Variants in NCK2 observed in about 807,000 individuals in gnomAD.
The protein encoded by NCK2 is NCK adaptor protein 2.
In NCK2, 16 loss-of-function variants were observed where a neutral mutation model predicts 33.9. The observed-to-expected ratio is 0.47, with a 90% CI of 0.32 to 0.72. NCK2 has a LOEUF of 0.72. NCK2 is among the 30% of genes least tolerant of loss of function. The pLI, the probability that NCK2 is intolerant of heterozygous loss-of-function variation, is 0.03. For missense variants in NCK2, 418 were observed against 537.3 expected, an observed-to-expected ratio of 0.78 and a Z score of 2.19; for synonymous variants, 273 against 239.9, an observed-to-expected ratio of 1.14 and a Z score of -1.27.
At chr2:105,773,866 G>A (rs1690215062) in intron 1 of NCK2, among the ~76,000 whole-genome samples, 1 of 152,058 alleles carries the variant, frequency 6.6e-6, no homozygotes, top group South Asian at 2.1e-4. Flanking sequence ...CAGTGTTTTG[G>A]GTAGTCCAGC....
intron 1 of NCK2, among the ~76,000 whole-genome samples, chr2:105,763,299 T>A (rs2104359735): frequency 6.6e-6 from 1 of 152,274 alleles, no homozygotes; most frequent in South Asian, 2.1e-4. Flanking sequence ...TGTCACTGCG[T>A]CCTCTGATGA....
intron 3 of NCK2, among the ~76,000 whole-genome samples, chr2:105,873,519 C>T (rs1385704946): frequency 6.6e-6 from 1 of 152,208 alleles, no homozygotes; most frequent in Non-Finnish European, 1.5e-5. Flanking sequence ...ACCACCCTCA[C>T]TCCCACACCC....
intron 1 of NCK2, among the ~76,000 whole-genome samples, chr2:105,783,814 C>G: frequency 6.6e-6 from 1 of 152,022 alleles, no homozygotes; most frequent in Non-Finnish European, 1.5e-5. Context: ...GAGGGTTTTG[C>G]AGCTGGAAAC....
At chr2:105,773,935 G>A (rs1008525569) in intron 1 of NCK2, among the ~76,000 whole-genome samples, 1 of 151,714 alleles carries the variant, frequency 6.6e-6, no homozygotes, top group Non-Finnish European at 1.5e-5. Context: ...CTGTTTATAA[G>A]AAAGATGTCA....
In NCK2 at chr2:105,890,729, C is replaced by T. The variant is rs3769490; in HGVS notation, c.949-2253C>T. On this transcript the variant is annotated intron_variant, in intron 4 of 4. Coordinates refer to ENST00000233154, the MANE Select transcript of NCK2 (RefSeq NM_003581.5). ...GCTGGGTGAGCCCAGCTGCCTTGCACAATTTGAGTCTTCTCAGACACTCAT... is the reference window on the plus strand; with the variant it reads ...GCTGGGTGAGCCCAGCTGCCTTGCATAATTTGAGTCTTCTCAGACACTCAT... Among the ~76,000 whole-genome samples the T allele has an allele frequency of 7.4e-4, 112 of 152,364 alleles. No homozygotes were observed. The East Asian group carries it at 0.012, about 16-fold the overall frequency.
intron 1 of NCK2, among the ~76,000 whole-genome samples, chr2:105,751,545 T>C (rs747004722): frequency 3.7e-4 from 57 of 152,154 alleles, no homozygotes; most frequent in Non-Finnish European, 5.9e-5. Context: ...CCCTTCCCCA[T>C]ATACACACAT....
rs78141353 is a variant in NCK2 at position 105,799,680 on chromosome 2, T to C, written c.-200-16750T>C. 6.0e-4 allele frequency among the ~76,000 whole-genome samples: 92 copies of C among 152,318 alleles called. 1 individual carries two copies. In the East Asian group the frequency reaches 0.013, roughly 21 times the overall value. ...AAAGCCTATAAAAAGCTAATTACCA[T>C]GTTTACATAAATGGTACAATAGCAG... On this transcript the variant is annotated intron_variant, in intron 1 of 4. Coordinates refer to ENST00000233154, the MANE Select transcript of NCK2 (RefSeq NM_003581.5).
chr2:105,817,228 C>T (rs1047982956), intron 2 of NCK2, among the ~76,000 whole-genome samples: 1 of 151,216 alleles, frequency 6.6e-6, no homozygotes, highest in African/African-American at 2.4e-5. Context: ...GAAGGATTCT[C>T]AGGAAGGTTT....
chr2:105,759,156 T>A (rs1689683698), intron 1 of NCK2, among the ~76,000 whole-genome samples: 1 of 152,242 alleles, frequency 6.6e-6, no homozygotes, highest in Non-Finnish European at 1.5e-5. Context: ...TCCTGGTTCT[T>A]GGGCCTTCAG....
chr2:105,835,405 A>ATATATATGTG (rs70953537), intron 2 of NCK2, among the ~76,000 whole-genome samples: 1 of 37,982 alleles, frequency 2.6e-5, no homozygotes, highest in Non-Finnish European at 6.8e-5. Context: ...ATATATATAT[A>ATATATATGTG]CGTGTATATA....
At chr2:105,878,979 T>C (rs1678350376) in intron 3 of NCK2, among the ~76,000 whole-genome samples, 1 of 152,222 alleles carries the variant, frequency 6.6e-6, no homozygotes, top group Non-Finnish European at 1.5e-5. Context: ...ATTAGATTAC[T>C]GTATTTTGTT....
chr2:105,768,676 G>T (rs560378872), intron 1 of NCK2, among the ~76,000 whole-genome samples: 2 of 152,076 alleles, frequency 1.3e-5, no homozygotes, highest in South Asian at 2.1e-4. Context: ...AGTTTTTTTT[G>T]AAATTTTCTT....
intron 1 of NCK2, among the ~76,000 whole-genome samples, chr2:105,788,994 T>C (rs1690778442): frequency 6.6e-6 from 1 of 152,144 alleles, no homozygotes; most frequent in Admixed American, 6.6e-5. Flanking sequence ...GGTATGACTG[T>C]GAACGATTTA....
chr2:105,755,499 A>AAC (rs1689574569), intron 1 of NCK2, among the ~76,000 whole-genome samples: 2 of 152,176 alleles, frequency 1.3e-5, no homozygotes, highest in Non-Finnish European at 2.9e-5. Context: ...TCCTTTCATG[A>AAC]GTGCCTCCGG....
chr2:105,848,033 A>G (rs1376581204), intron 2 of NCK2, among the ~76,000 whole-genome samples: 1 of 152,186 alleles, frequency 6.6e-6, no homozygotes, highest in East Asian at 1.9e-4. Context: ...TTTCAATGAC[A>G]TAATCTATTG....
chr2:105,767,460 G>T (rs1217958460), intron 1 of NCK2, among the ~76,000 whole-genome samples: 1 of 152,208 alleles, frequency 6.6e-6, no homozygotes, highest in African/African-American at 2.4e-5. Context: ...AGGAATATCT[G>T]TTACTCTTTG....
intron 1 of NCK2, among the ~76,000 whole-genome samples, chr2:105,811,643 G>A (rs1034012176): frequency 6.6e-6 from 1 of 152,216 alleles, no homozygotes; most frequent in Admixed American, 6.5e-5. Flanking sequence ...AGGATGCCAG[G>A]TGGAGGTCCT....
chr2:105,823,008 A>G (rs925567759), intron 2 of NCK2, among the ~76,000 whole-genome samples: 3 of 151,996 alleles, frequency 2.0e-5, no homozygotes, highest in African/African-American at 7.3e-5. Flanking sequence ...AGAGAACAGC[A>G]TTAAATAAAC....
chr2:105,844,267 C>G (rs79315827), intron 2 of NCK2, among the ~76,000 whole-genome samples: 237 of 152,132 alleles, frequency 1.6e-3, no homozygotes, highest in African/African-American at 5.5e-3. Flanking sequence ...AGTGTGGGAT[C>G]CTGGGTGGGA....
Sources: gnomAD v4.1 joint callset for allele counts (sites outside exome capture counted in the v4.1 genomes callset) on GRCh38, gnomAD v4.1.1 for gene constraint, MANE v1.5 for transcripts, NCBI Gene and HGNC (gene_info 2026-07-23, HGNC 2026-07-21) for gene names.